Variants in MACF1 observed in about 807,000 individuals in gnomAD.
MACF1 encodes microtubule actin crosslinking factor 1.
Under a neutral mutation model 854.8 loss-of-function variants are expected in MACF1, and 193 were observed. That is an observed-to-expected ratio of 0.23 (90% confidence interval 0.20 to 0.25). MACF1 has a LOEUF of 0.25. Among genes scored for constraint, MACF1 ranks in the 10% least tolerant of loss-of-function variants. The probability of loss-of-function intolerance (pLI) is 1.00; values close to 1 mark genes in which losing one functional copy is unlikely to be tolerated. For synonymous variants in MACF1, 3,185 were observed against 3,226.7 expected (o/e 0.99, Z 0.44); for missense variants, 7,722 against 8,929.1 (o/e 0.86, Z 5.45).
chr1:39,137,656 G>C (rs1471393937), intron 2 of MACF1, among the ~76,000 whole-genome samples: 4 of 152,222 alleles, frequency 2.6e-5, no homozygotes, highest in African/African-American at 9.6e-5. Context: ...ATGAGCCACT[G>C]TGCCCCAATT....
rs1459743394 is a variant in MACF1 at position 39,460,774 on chromosome 1, T to C, written c.21503T>C (p.Ile7168Thr). The part of the protein sequence containing the change: ...QDGKITRQEF[I>T]DGILASKFPT... Reference sequence around the variant, plus strand: ...GGGAAGATAACACGTCAGGAGTTTATCGATGGCATTTTAGCATCCAGTGAG... The same window carrying C: ...GGGAAGATAACACGTCAGGAGTTTACCGATGGCATTTTAGCATCCAGTGAG... Residue 7168 changes from isoleucine to threonine, a missense_variant, in exon 92 of 101, where the codon ATC becomes ACC. Physicochemically the swap from Ile to Thr is moderately conservative, Grantham distance 89. Coordinates refer to ENST00000564288, the MANE Select transcript of MACF1 (RefSeq NM_001394062.1). This position sits in a 1 kb window ranked among gnomAD's most constrained non-coding sequence, Gnocchi z 4.1. 2 of 1,614,118 alleles carry C rather than the reference T, an allele frequency of 1.2e-6. No homozygotes were observed. Among genetic ancestry groups the C allele is most frequent in the Non-Finnish European group, 1.7e-6 (2 of 1,180,040 alleles).
chr1:39,214,647 C>T (rs1644554647), intron 1 of MACF1, among the ~76,000 whole-genome samples: 1 of 152,200 alleles, frequency 6.6e-6, no homozygotes, highest in African/African-American at 2.4e-5. Context: ...GGTGGGGCTA[C>T]TCTGTAAAGT....
intron 35 of MACF1, among the ~76,000 whole-genome samples, chr1:39,326,555 C>T (rs373041914): frequency 2.6e-5 from 4 of 151,728 alleles, no homozygotes; most frequent in African/African-American, 7.3e-5. Context: ...GTGGCGGGCA[C>T]GTGTAATCCC....
At chr1:39,098,590 G>C (rs1641991416) in intron 2 of MACF1, among the ~76,000 whole-genome samples, 1 of 152,244 alleles carries the variant, frequency 6.6e-6, no homozygotes. Flanking sequence ...TCCAGCCTCT[G>C]CTCATTTCTT....
At chr1:39,316,239 T>A in intron 27 of MACF1, 152 bp from the exon 28 acceptor site, 4 of 605,098 alleles carry the variant, frequency 6.6e-6, no homozygotes, top group Non-Finnish European at 1.1e-5. Flanking sequence ...AAACCACATT[T>A]ACTTGTTTTC....
In MACF1 at chr1:39,340,627, T is replaced by A; in HGVS notation, c.10341T>A (p.Asp3447Glu). The A allele has an allele frequency of 1.2e-6, 2 of 1,614,214 alleles. No homozygotes were observed. The highest frequency in any genetic ancestry group is 1.7e-6 in the Non-Finnish European group (2 of 1,180,038). Residue 3447 changes from aspartate (D) to glutamate (E), a missense_variant, in exon 39 of 101, where the codon GAT becomes GAA. By Grantham distance (45) the Asp-to-Glu change is conservative (BLOSUM62 2). Transcript: ENST00000564288. ...PAQLLKALEK[D>E]AKNLQKSLSS... is the part of the protein sequence containing the mutation. Reference sequence around the variant, plus strand: ...AACTGTTGAAGGCTCTAGAGAAAGATGCCAAGAATCTTCAGAAGTCTCTCA... The same window carrying A: ...AACTGTTGAAGGCTCTAGAGAAAGAAGCCAAGAATCTTCAGAAGTCTCTCA...
At chr1:39,317,117 G>A (rs1646426869) in intron 28 of MACF1, 97 bp from the exon 29 acceptor site, 1 of 1,220,208 alleles carries the variant, frequency 8.2e-7, no homozygotes, top group South Asian at 1.4e-5. Flanking sequence ...ATACAATGTG[G>A]AAATAGCTGT....
At chr1:39,424,368 A>G (rs1237164698) in intron 61 of MACF1, among the ~76,000 whole-genome samples, 174 bp downstream of exon 61, 8 of 152,218 alleles carry the variant, frequency 5.3e-5, no homozygotes, top group African/African-American at 1.9e-4. Context: ...AATCACACTC[A>G]GGAAATGGTC....
chr1:39,182,403 A>G (rs1245014397), intron 2 of MACF1, among the ~76,000 whole-genome samples: 1 of 93,992 alleles, frequency 1.1e-5, no homozygotes, highest in Non-Finnish European at 2.8e-5. Flanking sequence ...AAAGGACACT[A>G]CCTAGAAAAT....
chr1:39,305,849 A>C (rs1208434557), intron 23 of MACF1, among the ~76,000 whole-genome samples: 2 of 151,450 alleles, frequency 1.3e-5, no homozygotes, highest in Admixed American at 1.3e-4. Flanking sequence ...TACATGTTTC[A>C]CTCCCTCACT....
intron 87 of MACF1, among the ~76,000 whole-genome samples, chr1:39,453,209 CTCAG>C (rs1444518864): frequency 1.3e-5 from 2 of 152,240 alleles, no homozygotes; most frequent in South Asian, 2.1e-4. Context: ...TGTCTGGGGT[CTCAG>C]TCTGTCCTAA....
At chr1:39,362,974 T>C (rs1272236671) in intron 49 of MACF1, among the ~76,000 whole-genome samples, 1 of 152,234 alleles carries the variant, frequency 6.6e-6, no homozygotes, top group African/African-American at 2.4e-5. Flanking sequence ...TATTTACTTA[T>C]TTGTTTTATT....
At chr1:39,278,633 C>A (rs761539027) in intron 6 of MACF1, among the ~76,000 whole-genome samples, 35 of 152,130 alleles carry the variant, frequency 2.3e-4, no homozygotes, top group Non-Finnish European at 4.4e-4. Context: ...ATTTCCTGTT[C>A]CCAATAATGT....
chr1:39,165,526 G>C (rs1216763379), intron 2 of MACF1, among the ~76,000 whole-genome samples: 1 of 152,134 alleles, frequency 6.6e-6, no homozygotes, highest in African/African-American at 2.4e-5. Context: ...GTTACAACTG[G>C]AGATGGTTGT....
chr1:39,398,800 C>G (rs1203499918), intron 58 of MACF1, among the ~76,000 whole-genome samples: 1 of 152,204 alleles, frequency 6.6e-6, no homozygotes, highest in Non-Finnish European at 1.5e-5. Context: ...GTCCCCACCC[C>G]ACACTGCCAC....
chr1:39,328,653 G>C (rs1339293016), intron 36 of MACF1: 5 of 152,264 alleles, frequency 3.3e-5, no homozygotes. Context: ...ATACGGCTGA[G>C]CTGCTCCATA....
At chr1:39,443,389 G>A (rs566273090) in intron 78 of MACF1, 57 bp from the exon 79 acceptor site, 4 of 1,539,722 alleles carry the variant, frequency 2.6e-6, no homozygotes, top group Non-Finnish European at 3.5e-6. Context: ...TTGGAAAGTT[G>A]ACTTTTAAAG....
Position 39,236,298 on chromosome 1 carries a change from A to G in MACF1, c.171+5055A>G, listed in dbSNP as rs570196183. Among the ~76,000 whole-genome samples the G allele has an allele frequency of 9.2e-5, 14 of 152,314 alleles. No individual in the cohort carries two copies. The East Asian group carries it at 1.7e-3, about 19-fold the overall frequency. On this transcript the variant is annotated intron_variant, in intron 2 of 100. Coordinates refer to ENST00000564288, the MANE Select transcript of MACF1 (RefSeq NM_001394062.1). ...CCTACCTTTCCAGGCTCATAGCACCAAGTTTCCCTCATACCTTGAGTTCTT... is the reference window on the plus strand; with the variant it reads ...CCTACCTTTCCAGGCTCATAGCACCGAGTTTCCCTCATACCTTGAGTTCTT...
chr1:39,391,708 T>A (rs1642042637), intron 58 of MACF1, among the ~76,000 whole-genome samples: 1 of 152,240 alleles, frequency 6.6e-6, no homozygotes, highest in Non-Finnish European at 1.5e-5. Context: ...CATTCTGACT[T>A]TTGATGTTGC....
Sources: gnomAD v4.1 joint callset for allele counts (sites outside exome capture counted in the v4.1 genomes callset) on GRCh38, gnomAD v4.1.1 for gene constraint, Gnocchi (gnomAD v3.1) non-coding constraint, MANE v1.5 for transcripts, NCBI Gene and HGNC (gene_info 2026-07-23, HGNC 2026-07-21) for gene names.